RNF17: variants seen among roughly 807,000 people sequenced by gnomAD.
The protein encoded by RNF17 is ring finger protein 17.
Under a neutral mutation model 200.5 loss-of-function variants are expected in RNF17, and 31 were observed. That is an observed-to-expected ratio of 0.15 (90% CI 0.12 to 0.21). RNF17 has a LOEUF of 0.21. RNF17 is among the 10% of genes least tolerant of loss of function. RNF17 has a pLI of 1.00. For missense variants in RNF17, 1,628 were observed against 1,905.1 expected (o/e 0.85, Z 2.71); for synonymous variants, 606 against 637.8 (o/e 0.95, Z 0.75).
chr13:24,784,718 CT>C (rs199800225), intron 6 of RNF17, among the ~76,000 whole-genome samples: 9 of 151,536 alleles, frequency 5.9e-5, no homozygotes, highest in African/African-American at 1.9e-4. Context: ...ATTCTTTTTC[CT>C]TTTTTTTGAT....
chr13:24,767,276 C>T lies in RNF17; in HGVS notation c.135C>T (p.His45=), dbSNP rs1210418725. 1 of 1,590,412 alleles carries T rather than the reference C, an allele frequency of 6.3e-7. No homozygotes were observed. ...CGRRVSRSSG[H]HCELQCGHAF... ...AATTAAGAATTTCATCAATAGGTCA[C>T]CATTGTGAACTTCAATGTGGACATG... The change falls in exon 2 of 36, where the codon CAC becomes CAT. Residue 45 remains histidine (H), a synonymous_variant. Transcript: ENST00000255324.
At chr13:24,794,256 ACTGT>A in intron 10 of RNF17, 1 of 456,220 alleles carries the variant, frequency 2.2e-6, no homozygotes, top group Non-Finnish European at 4.4e-6. Flanking sequence ...TACTGTAACA[ACTGT>A]CTGAGCTTGA....
chr13:24,831,740 C>T lies in RNF17; in HGVS notation c.2362-118C>T, dbSNP rs1360190273. On this transcript the variant is annotated intron_variant, in intron 17 of 35. Transcript: ENST00000255324. The stretch of plus-strand genomic sequence containing the variant: ...ACCTTCACACATTATTTGATTATTT[C>T]TAATATGTATGAAATTCAAACATAA... 5.8e-6 allele frequency: 5 copies of T among 859,430 alleles called. No homozygotes were observed. In the African/African-American group the frequency reaches 7.0e-5, roughly 12 times the overall value. 53.2% of individuals were successfully genotyped at this position (859,430 alleles called of 1,614,324 possible). A position where few individuals can be genotyped will look rare whatever the true frequency, so the allele number is the denominator to read the frequency against.
At chr13:24,803,147 T>TTC (rs1885455819) in intron 14 of RNF17, among the ~76,000 whole-genome samples, 1 of 310 alleles carries the variant, frequency 3.2e-3, no homozygotes. Context: ...TCTTGATAAC[T>TTC]ATTAGCAGCT....
At chr13:24,880,767 A>G (rs9511498), downstream of RNF17, among the ~76,000 whole-genome samples, 119,532 of 152,152 alleles carry the variant, frequency 0.79, 47,386 homozygotes, top group East Asian at 0.85. Flanking sequence ...GACTTTTACA[A>G]TTATTTCACA....
At chr13:24,884,724 GA>G (rs1351482499), downstream of RNF17, among the ~76,000 whole-genome samples, 1 of 152,168 alleles carries the variant, frequency 6.6e-6, no homozygotes, top group Non-Finnish European at 1.5e-5. Flanking sequence ...CTTTGTACAG[GA>G]AAGTCTAACT....
intron 22 of RNF17, among the ~76,000 whole-genome samples, chr13:24,847,307 A>G (rs1467528541): frequency 6.6e-6 from 1 of 151,638 alleles, no homozygotes; most frequent in Non-Finnish European, 1.5e-5. Context: ...CATTGGTTTG[A>G]TTTATCTGTT....
rs1423051692 is a variant in RNF17, at chr13:24,862,775, G to A, written c.3957G>A (p.Gln1319=). The A allele has an allele frequency of 3.1e-6, 5 of 1,598,040 alleles. No individual in the cohort carries two copies. In the South Asian group the frequency reaches 3.3e-5, roughly 11 times the overall value. ...EVLQQLLSKR[Q]VDIHIMELPK... is the part of the protein sequence containing the mutation. ...TTCAACAACTGCTTTCAAAGAGACA[G>A]GTGGACATTCACATTATGGTAATTT... is the stretch of plus-strand genomic sequence containing the variant. The change falls in exon 28 of 36, where the codon CAG becomes CAA. Residue 1319 remains glutamine, a synonymous_variant. Coordinates refer to ENST00000255324, the MANE Select transcript of RNF17 (RefSeq NM_031277.3).
chr13:24,815,174 A>G (rs2137867912), intron 15 of RNF17, among the ~76,000 whole-genome samples: 1 of 152,340 alleles, frequency 6.6e-6, no homozygotes, highest in East Asian at 1.9e-4. Context: ...TTATCCATGA[A>G]CACCGGATTT....
the RNF17 span, among the ~76,000 whole-genome samples, chr13:24,887,493 C>T: frequency 6.6e-6 from 1 of 152,208 alleles, no homozygotes; most frequent in Non-Finnish European, 1.5e-5. Context: ...CTATTGTGAA[C>T]TGCATATGCG....
intron 3 of RNF17, among the ~76,000 whole-genome samples, chr13:24,776,320 T>C (rs959303402): frequency 1.3e-5 from 2 of 152,208 alleles, no homozygotes; most frequent in African/African-American, 4.8e-5. Context: ...AACTCAAAAT[T>C]ATTCAGTGTA....
chr13:24,764,998 C>T (rs1433093080), intron 1 of RNF17, among the ~76,000 whole-genome samples: 2 of 151,898 alleles, frequency 1.3e-5, no homozygotes, highest in African/African-American at 4.8e-5. Flanking sequence ...CTCAAGTGAT[C>T]ACAGGTTCAA....
At position 24,854,020 on chromosome 13, in the gene RNF17, A is replaced by G. The variant is rs1566229529; in HGVS notation, c.3486A>G (p.Lys1162=). ...SEQKVSEFQE[K]ILEPRTTRGY... ...AGAAAGTGTCTGAATTTCAGGAGAAAATTCTAGAACCAAGAACCACTAGAG... is the reference window on the plus strand; with the variant it reads ...AGAAAGTGTCTGAATTTCAGGAGAAGATTCTAGAACCAAGAACCACTAGAG... Residue 1162 remains lysine (K), a synonymous_variant, in exon 25 of 36, where the codon AAA becomes AAG. Coordinates refer to ENST00000255324, the MANE Select transcript of RNF17 (RefSeq NM_031277.3). The G allele has an allele frequency of 1.9e-6, 3 of 1,614,158 alleles. No homozygotes were observed. The highest frequency in any genetic ancestry group is 4.5e-5 in the East Asian group (2 of 44,856).
At chr13:24,842,011 T>C in intron 18 of RNF17, 30 bp from the exon 19 acceptor site, 1 of 1,579,326 alleles carries the variant, frequency 6.3e-7, no homozygotes, top group Non-Finnish European at 8.6e-7. Flanking sequence ...GACATATTTC[T>C]TTCCCCAAAC....
chr13:24,801,242 C>G (rs925147028), intron 13 of RNF17, among the ~76,000 whole-genome samples: 20 of 152,140 alleles, frequency 1.3e-4, no homozygotes, highest in African/African-American at 4.3e-4. Flanking sequence ...CATTTATAAT[C>G]ATAAAAACTT....
rs1268792220 is a variant in RNF17 at position 24,866,182 on chromosome 13, A to G, written c.4140A>G (p.Glu1380=). Residue 1380 remains glutamate (E), a synonymous_variant, in exon 30 of 36, where the codon GAA becomes GAG. Transcript: ENST00000255324. ...RSDHDKKYEE[E]QWEIRFEELL... ...ATCATGATAAAAAGTATGAAGAGGA[A>G]CAATGGGAAATAAGGTTTGAGGTAA... The G allele has an allele frequency of 1.3e-6, 2 of 1,555,110 alleles. No individual in the cohort carries two copies. The highest frequency in any genetic ancestry group is 1.8e-6 in the Non-Finnish European group (2 of 1,130,214).
intron 31 of RNF17, 68 bp downstream of exon 31, chr13:24,868,784 A>G: frequency 1.2e-6 from 1 of 813,134 alleles, no homozygotes; most frequent in South Asian, 1.4e-5. Flanking sequence ...AAACACTATA[A>G]GTGACTCTTC....
intron 9 of RNF17, among the ~76,000 whole-genome samples, chr13:24,790,939 C>T (rs1226379602): frequency 6.6e-6 from 1 of 152,180 alleles, no homozygotes; most frequent in Non-Finnish European, 1.5e-5. Context: ...GGCCCCACCT[C>T]TTAATGTCAC....
At chr13:24,760,771 C>T (rs9581171), upstream of RNF17, among the ~76,000 whole-genome samples, 27,656 of 152,054 alleles carry the variant, frequency 0.18, 2,698 homozygotes, top group South Asian at 0.34. Context: ...ATAAACAACT[C>T]AGTAGGAAGA....
Sources: gnomAD v4.1 joint callset for allele counts (sites outside exome capture counted in the v4.1 genomes callset) on GRCh38, gnomAD v4.1.1 for gene constraint, MANE v1.5 for transcripts, NCBI Gene and HGNC (gene_info 2026-07-23, HGNC 2026-07-21) for gene names.